The following TANGO6 variants were observed in gnomAD, a reference collection of about 807,000 sequenced individuals.
TANGO6 encodes the protein transport and Golgi organization protein 6 homolog.
In TANGO6, 90 loss-of-function variants were observed where a neutral mutation model predicts 114.2. The ratio of observed to expected loss-of-function variants is 0.79; its 90% CI spans 0.66 to 0.94. The LOEUF (loss-of-function observed/expected upper bound fraction) is 0.94. Ranked by LOEUF, TANGO6 falls within the 40% of genes least tolerant of loss-of-function variation. TANGO6 has a pLI of 0.00. For synonymous variants in TANGO6, 477 were observed against 509.8 expected (o/e 0.94, Z 0.87); for missense variants, 1,274 against 1,315.3 (o/e 0.97, Z 0.49).
intron 1 of TANGO6, among the ~76,000 whole-genome samples, chr16:68,859,167 G>T (rs565362606): frequency 6.6e-6 from 1 of 152,086 alleles, no homozygotes; most frequent in Middle Eastern, 3.4e-3. Context: ...CTGTTTTTTT[G>T]TTGTTATTGT....
At chr16:68,956,507 G>T (rs973986122) in intron 14 of TANGO6, among the ~76,000 whole-genome samples, 2 of 152,114 alleles carry the variant, frequency 1.3e-5, no homozygotes, top group African/African-American at 4.8e-5. Context: ...CAAGGGTCTG[G>T]GAGTAGACTT....
intron 7 of TANGO6, among the ~76,000 whole-genome samples, chr16:68,884,675 T>G (rs539747095): frequency 1.2e-4 from 18 of 152,172 alleles, no homozygotes; most frequent in Admixed American, 5.9e-4. Flanking sequence ...AAACCCTTTA[T>G]GGTATGCCTT....
chr16:69,011,965 T>C (rs1374780982), intron 15 of TANGO6, among the ~76,000 whole-genome samples: 2 of 152,218 alleles, frequency 1.3e-5, no homozygotes, highest in Admixed American at 1.3e-4. Flanking sequence ...TTTTTTCAGC[T>C]CTCTCACTTG....
chr16:68,861,456 G>C (rs1427151322), intron 2 of TANGO6, among the ~76,000 whole-genome samples: 1 of 152,116 alleles, frequency 6.6e-6, no homozygotes, highest in East Asian at 1.9e-4. Context: ...ATGAAATTCT[G>C]AGCTCCCTGG....
intron 17 of TANGO6, among the ~76,000 whole-genome samples, chr16:69,051,285 A>G (rs1959944277): frequency 6.6e-6 from 1 of 152,140 alleles, no homozygotes; most frequent in African/African-American, 2.4e-5. Context: ...TCACGCCTGT[A>G]ATCCCAGCAG....
intron 17 of TANGO6, among the ~76,000 whole-genome samples, chr16:69,059,589 T>C (rs1260189862): frequency 2.0e-5 from 3 of 151,110 alleles, no homozygotes; most frequent in African/African-American, 7.3e-5. Context: ...GCATAATCTC[T>C]GCTCACTGCA....
intron 11 of TANGO6, 138 bp from the exon 12 acceptor site, chr16:68,918,947 G>T: frequency 1.0e-6 from 1 of 989,280 alleles, no homozygotes; most frequent in Middle Eastern, 2.8e-4. Context: ...CATCTGCATG[G>T]TAAGTAGCAG....
chr16:68,964,033 C>T (rs968282255), intron 14 of TANGO6, among the ~76,000 whole-genome samples: 4 of 151,898 alleles, frequency 2.6e-5, no homozygotes, highest in South Asian at 2.1e-4. Context: ...CAAAGTAGAA[C>T]AGCTGACTAG....
At chr16:68,867,362 C>G in intron 4 of TANGO6, 142 bp downstream of exon 4, 4 of 1,058,548 alleles carry the variant, frequency 3.8e-6, no homozygotes, top group Non-Finnish European at 5.5e-6. Flanking sequence ...ACAGGTTAAA[C>G]TTAGAGGCCG....
chr16:68,905,234 A>G (rs1487917741), intron 9 of TANGO6, among the ~76,000 whole-genome samples: 1 of 151,084 alleles, frequency 6.6e-6, no homozygotes, highest in East Asian at 1.9e-4. Flanking sequence ...GTGTCTCAAA[A>G]AAAAATAAAA....
chr16:68,980,828 T>A (rs1156788812), intron 15 of TANGO6, among the ~76,000 whole-genome samples: 1 of 152,052 alleles, frequency 6.6e-6, no homozygotes, highest in Non-Finnish European at 1.5e-5. Context: ...AAACCCCGTC[T>A]CTGCTAAAAA....
At chr16:68,893,325 A>G (rs955877738) in intron 7 of TANGO6, among the ~76,000 whole-genome samples, 2 of 152,218 alleles carry the variant, frequency 1.3e-5, no homozygotes, top group Non-Finnish European at 2.9e-5. Flanking sequence ...TAAGTCACAC[A>G]ACTGGTCAGC....
intron 1 of TANGO6, among the ~76,000 whole-genome samples, chr16:68,856,262 C>T (rs1216556780): frequency 6.6e-6 from 1 of 152,192 alleles, no homozygotes; most frequent in Non-Finnish European, 1.5e-5. Context: ...TTTATCAGAT[C>T]GTAGAAGTTC....
At chr16:68,884,731 A>G (rs762900816) in intron 7 of TANGO6, among the ~76,000 whole-genome samples, 1 of 152,142 alleles carries the variant, frequency 6.6e-6, no homozygotes, top group Non-Finnish European at 1.5e-5. Flanking sequence ...CAAACAGATA[A>G]TTTCTTTCTA....
intron 9 of TANGO6, among the ~76,000 whole-genome samples, chr16:68,903,273 A>G (rs1178576042): frequency 2.0e-5 from 3 of 152,200 alleles, no homozygotes. Context: ...GATTGCAAAC[A>G]GAATTATCAG....
chr16:69,074,842 A>AATT (rs1017049179), intron 17 of TANGO6, among the ~76,000 whole-genome samples: 4 of 116,568 alleles, frequency 3.4e-5, no homozygotes, highest in Admixed American at 9.5e-5. Flanking sequence ...GTGTGTGTAT[A>AATT]ATTATTATTA....
At position 68,968,871 on chromosome 16, in the gene TANGO6, T is replaced by C. The variant is rs34966837; in HGVS notation, c.2702-5157T>C. ...ATTTTTAGTAGAAACGGGGTTTCAC[T>C]GGGTTAGCCAGGATGGTCTCGATCT... On this transcript the variant is annotated intron_variant, in intron 14 of 17. Coordinates refer to ENST00000261778, the MANE Select transcript of TANGO6 (RefSeq NM_024562.2). 5.2e-3 allele frequency among the ~76,000 whole-genome samples: 791 copies of C among 151,160 alleles called. 22 individuals are homozygous for C. In the East Asian group the frequency reaches 0.07, roughly 13 times the overall value.
Position 69,021,566 on chromosome 16 carries a change from C to T in TANGO6, c.2843-1262C>T, listed in dbSNP as rs1025285216. Among the ~76,000 whole-genome samples, 25 of 152,230 alleles carry T rather than the reference C, an allele frequency of 1.6e-4. No individual in the cohort carries two copies. The South Asian group carries it at 1.9e-3, about 11-fold the overall frequency. On this transcript the variant is annotated intron_variant, in intron 15 of 17. Transcript: ENST00000261778. Reference sequence around the variant, plus strand: ...GGGCAGGAATCATGGTCTCTTGTTTCGCAGCATATGCCAAGCATCTGGAAC... The same window carrying T: ...GGGCAGGAATCATGGTCTCTTGTTTTGCAGCATATGCCAAGCATCTGGAAC...
At chr16:68,895,971 C>CAGTGTCTCACTCTGTCACCTAGGCTGG in intron 7 of TANGO6, among the ~76,000 whole-genome samples, 1 of 141,208 alleles carries the variant, frequency 7.1e-6, no homozygotes, top group Non-Finnish European at 1.6e-5. Flanking sequence ...TTTTTTGAGA[C>CAGTGTCTCACTCTGTCACCTAGGCTGG]AGTGTCTCAC....
Sources: gnomAD v4.1 joint callset for allele counts (sites outside exome capture counted in the v4.1 genomes callset) on GRCh38, gnomAD v4.1.1 for gene constraint, MANE v1.5 for transcripts, NCBI Gene and HGNC (gene_info 2026-07-23, HGNC 2026-07-21) for gene names.